The following NTM variants were observed in gnomAD, a reference collection of about 807,000 sequenced individuals.
NTM encodes the protein IgLON family member 2.
A neutral mutation model predicts 42.1 loss-of-function variants in NTM; 13 were observed. That is an observed-to-expected ratio of 0.31 (90% CI 0.20 to 0.49). NTM has a LOEUF of 0.49. Among genes scored for constraint, NTM ranks in the 20% least tolerant of loss-of-function variants. The probability of loss-of-function intolerance (pLI) is 0.99; values close to 1 mark genes in which losing one functional copy is unlikely to be tolerated. For missense variants in NTM, 373 were observed against 452.8 expected (o/e 0.82, Z 1.60); for synonymous variants, 187 against 179.2 (o/e 1.04, Z -0.35).
chr11:132,051,540 T>G (rs2078852430), intron 2 of NTM, among the ~76,000 whole-genome samples: 1 of 152,226 alleles, frequency 6.6e-6, no homozygotes, highest in Non-Finnish European at 1.5e-5. Flanking sequence ...TTATCCTTCT[T>G]GGCATATCAC....
chr11:132,237,556 T>C (rs1217524292), intron 4 of NTM, among the ~76,000 whole-genome samples: 1 of 152,184 alleles, frequency 6.6e-6, no homozygotes, highest in Non-Finnish European at 1.5e-5. Context: ...AGCCCGTTTG[T>C]GGACATTCTC....
At chr11:132,069,069 A>C (rs1472488053) in intron 2 of NTM, among the ~76,000 whole-genome samples, 1 of 152,122 alleles carries the variant, frequency 6.6e-6, no homozygotes, top group South Asian at 2.1e-4. Context: ...CAGGTTAGTA[A>C]ACACGTCACA....
chr11:131,649,281 G>T (rs1479451300), intron 1 of NTM, among the ~76,000 whole-genome samples: 1 of 152,218 alleles, frequency 6.6e-6, no homozygotes, highest in Non-Finnish European at 1.5e-5. Context: ...AAAAGTTATT[G>T]CTGTGATAAT....
chr11:132,182,507 T>C (rs1053010864), intron 3 of NTM, among the ~76,000 whole-genome samples: 1 of 152,134 alleles, frequency 6.6e-6, no homozygotes, highest in African/African-American at 2.4e-5. Context: ...CAAGAACAAA[T>C]TGAGGCTGTA....
chr11:131,673,556 A>T (rs1243300345), intron 1 of NTM, among the ~76,000 whole-genome samples: 1 of 152,210 alleles, frequency 6.6e-6, no homozygotes, highest in African/African-American at 2.4e-5. Flanking sequence ...TTGCATTTAA[A>T]TATGGTGCCA....
At chr11:132,169,320 CTTTTTT>C (rs567723794) in intron 3 of NTM, among the ~76,000 whole-genome samples, 5 of 32,356 alleles carry the variant, frequency 1.5e-4, no homozygotes, top group East Asian at 7.8e-4. Context: ...AATTTTTTTA[CTTTTTT>C]TTTTTTTTTT....
intron 1 of NTM, among the ~76,000 whole-genome samples, chr11:131,514,862 G>A (rs1159692596): frequency 6.6e-6 from 1 of 152,046 alleles, no homozygotes; most frequent in Non-Finnish European, 1.5e-5. Flanking sequence ...AAGATGCTGG[G>A]ATTACAGGCA....
In NTM at chr11:132,201,670, A is replaced by G. The variant is rs188377596; in HGVS notation, c.401-10352A>G. Among the ~76,000 whole-genome samples, 21 of 152,374 alleles carry G rather than the reference A, an allele frequency of 1.4e-4. No homozygotes were observed. In the East Asian group the frequency reaches 3.7e-3, roughly 27 times the overall value. ...GCACTATAAATAAATCCTGGTCAGCACATCAGGGTTGGTTTTTACAGCAAA... is the reference window on the plus strand; with the variant it reads ...GCACTATAAATAAATCCTGGTCAGCGCATCAGGGTTGGTTTTTACAGCAAA... On this transcript the variant is annotated intron_variant, in intron 3 of 8. Coordinates refer to ENST00000683400, the MANE Select transcript of NTM (RefSeq NM_001352005.2).
intron 1 of NTM, among the ~76,000 whole-genome samples, chr11:131,698,293 A>G (rs991195520): frequency 2.0e-5 from 3 of 151,984 alleles, no homozygotes; most frequent in Non-Finnish European, 2.9e-5. Context: ...ACCCTACCCC[A>G]GTGCTCACAC....
intron 1 of NTM, among the ~76,000 whole-genome samples, chr11:131,419,308 G>A (rs183187289): frequency 2.3e-4 from 35 of 152,280 alleles, no homozygotes; most frequent in South Asian, 8.3e-4. Context: ...TACCTTATAT[G>A]TGTATGAAAA....
rs566106463 is a variant in NTM at position 131,378,496 on chromosome 11, C to A, written c.82+7608C>A. Among the ~76,000 whole-genome samples the A allele has an allele frequency of 2.0e-5, 3 of 152,252 alleles. No homozygotes were observed. In the East Asian group the frequency reaches 5.8e-4, roughly 29 times the overall value. On this transcript the variant is annotated intron_variant, in intron 1 of 8. Transcript: ENST00000683400. ...TCAGAACATGTAAATGGTGTGTGTG[C>A]GTGCAAACTCTACGTGCTATCTCAT...
chr11:132,044,180 A>ATG (rs1165077617), intron 2 of NTM, among the ~76,000 whole-genome samples: 1 of 136,698 alleles, frequency 7.3e-6, no homozygotes, highest in Non-Finnish European at 1.5e-5. Flanking sequence ...GTGCATGTGT[A>ATG]TGTGTGTGTG....
At chr11:131,941,655 A>G (rs905456673) in intron 2 of NTM, among the ~76,000 whole-genome samples, 5 of 152,244 alleles carry the variant, frequency 3.3e-5, no homozygotes, top group Admixed American at 3.3e-4. Context: ...GACTCCTACC[A>G]CAAGCCCGTG....
At chr11:131,421,438 T>C (rs1263746712) in intron 1 of NTM, among the ~76,000 whole-genome samples, 1 of 152,196 alleles carries the variant, frequency 6.6e-6, no homozygotes, top group Non-Finnish European at 1.5e-5. Context: ...GAAGGTTCCT[T>C]TGGATCCTTT....
chr11:132,278,743 TTCTCTCTCTCTCTCTCTCTCTCTC>T (rs66748602), intron 4 of NTM, among the ~76,000 whole-genome samples: 7 of 137,994 alleles, frequency 5.1e-5, no homozygotes, highest in Admixed American at 2.3e-4. Context: ...TCATTTGGGC[TTCTCTCTCTCTCTCTCTCTCTCTC>T]TCTCTCTCTC....
At chr11:131,789,694 C>T (rs527856445) in intron 1 of NTM, among the ~76,000 whole-genome samples, 8 of 150,546 alleles carry the variant, frequency 5.3e-5, no homozygotes, top group African/African-American at 1.7e-4. Flanking sequence ...CGGTGGCTCT[C>T]GCCTGTAATC....
At chr11:131,423,540 C>T (rs150492192) in intron 1 of NTM, among the ~76,000 whole-genome samples, 2 of 152,162 alleles carry the variant, frequency 1.3e-5, no homozygotes, top group African/African-American at 4.8e-5. Flanking sequence ...TTCATTCACA[C>T]AAAACATGCT....
intron 2 of NTM, among the ~76,000 whole-genome samples, chr11:131,938,092 T>C (rs528416240): frequency 6.6e-5 from 10 of 152,326 alleles, no homozygotes; most frequent in African/African-American, 2.4e-4. Context: ...GGATTGTAAG[T>C]GGTCAGGGTA....
chr11:131,646,108 C>T (rs540177604), intron 1 of NTM, among the ~76,000 whole-genome samples: 3 of 152,320 alleles, frequency 2.0e-5, no homozygotes, highest in African/African-American at 7.2e-5. Flanking sequence ...AGGGCAAATA[C>T]GCAATTGATC....
Sources: gnomAD v4.1 joint callset for allele counts (sites outside exome capture counted in the v4.1 genomes callset) on GRCh38, gnomAD v4.1.1 for gene constraint, MANE v1.5 for transcripts, NCBI Gene and HGNC (gene_info 2026-07-23, HGNC 2026-07-21) for gene names.